Variants in PTCHD4 observed in about 807,000 individuals in gnomAD.
The protein encoded by PTCHD4 is patched domain-containing protein 4.
PTCHD4 carries 33 observed loss-of-function variants against 58.1 expected under a neutral mutation model. That is an observed-to-expected ratio of 0.57 (90% CI 0.43 to 0.76). PTCHD4 has a LOEUF of 0.76. PTCHD4 is among the 30% of genes least tolerant of loss of function. PTCHD4 has a pLI of 0.00. For missense variants in PTCHD4, 1,058 were observed against 1,027.1 expected (o/e 1.03, Z -0.41); for synonymous variants, 478 against 409.6 (o/e 1.17, Z -2.02).
intron 1 of PTCHD4, among the ~76,000 whole-genome samples, chr6:48,084,113 C>T (rs1765217358): frequency 6.6e-6 from 1 of 152,004 alleles, no homozygotes; most frequent in Non-Finnish European, 1.5e-5. Flanking sequence ...ATATTAATCT[C>T]TTAATGTTGA....
chr6:48,098,648 T>C (rs914996768), intron 1 of PTCHD4, among the ~76,000 whole-genome samples: 1 of 152,128 alleles, frequency 6.6e-6, no homozygotes, highest in Non-Finnish European at 1.5e-5. Flanking sequence ...TGGAGTTTCA[T>C]GATTATGAAA....
intron 4 of PTCHD4, among the ~76,000 whole-genome samples, chr6:47,989,060 C>T (rs1768186869): frequency 6.6e-6 from 1 of 152,280 alleles, no homozygotes; most frequent in Admixed American, 6.5e-5. Flanking sequence ...CTGAGGTGGT[C>T]TCAGATGGAG....
intron 4 of PTCHD4, among the ~76,000 whole-genome samples, chr6:47,987,124 C>A (rs1396486152): frequency 6.6e-6 from 1 of 151,236 alleles, no homozygotes; most frequent in African/African-American, 2.4e-5. Context: ...CAAATTGTCA[C>A]CTAGGAAATT....
At chr6:48,021,773 T>C (rs1763080815) in intron 3 of PTCHD4, among the ~76,000 whole-genome samples, 1 of 152,162 alleles carries the variant, frequency 6.6e-6, no homozygotes, top group Non-Finnish European at 1.5e-5. Context: ...CTTTGCTGTC[T>C]AAGGTTATAT....
chr6:48,110,251 G>A (rs1765837972), intron 1 of PTCHD4, among the ~76,000 whole-genome samples: 1 of 152,110 alleles, frequency 6.6e-6, no homozygotes, highest in South Asian at 2.1e-4. Flanking sequence ...TGTGGTATGT[G>A]TATACACACA....
At chr6:47,926,857 C>A (rs1038945844) in intron 4 of PTCHD4, among the ~76,000 whole-genome samples, 1 of 152,186 alleles carries the variant, frequency 6.6e-6, no homozygotes, top group Non-Finnish European at 1.5e-5. Flanking sequence ...TTAGCACACA[C>A]AATGTCTGAC....
At chr6:47,908,484 A>T (rs1039935881) in intron 4 of PTCHD4, among the ~76,000 whole-genome samples, 1 of 152,178 alleles carries the variant, frequency 6.6e-6, no homozygotes, top group Non-Finnish European at 1.5e-5. Context: ...GGCTTCTGCA[A>T]TGAATGGACT....
chr6:48,058,011 A>T (rs965805104), intron 3 of PTCHD4, among the ~76,000 whole-genome samples: 44 of 152,238 alleles, frequency 2.9e-4, no homozygotes, highest in Admixed American at 2.9e-3. Context: ...AAATGAAAAT[A>T]TATTTGAAAA....
intron 4 of PTCHD4, among the ~76,000 whole-genome samples, chr6:47,891,681 A>T (rs1451160233): frequency 6.6e-6 from 1 of 152,140 alleles, no homozygotes; most frequent in Non-Finnish European, 1.5e-5. Flanking sequence ...CTTCCAAATC[A>T]TCTAACATTT....
At chr6:48,056,892 G>C (rs1391408154) in intron 3 of PTCHD4, among the ~76,000 whole-genome samples, 1 of 152,100 alleles carries the variant, frequency 6.6e-6, no homozygotes, top group African/African-American at 2.4e-5. Flanking sequence ...AAGCTCTCAT[G>C]GTGCCATTTT....
At chr6:47,942,251 T>C (rs1476669600) in intron 4 of PTCHD4, among the ~76,000 whole-genome samples, 1 of 152,202 alleles carries the variant, frequency 6.6e-6, no homozygotes, top group Non-Finnish European at 1.5e-5. Context: ...AAATACATCC[T>C]AGACAATGAC....
chr6:47,945,061 T>C lies in PTCHD4; in HGVS notation c.898+63573A>G, dbSNP rs546181202. Reference sequence around the variant, plus strand: ...CCAAATCCAAAGGTGACGGAATCCATTTATGTCTGCAAAGCAATGACATAC... The same window carrying C: ...CCAAATCCAAAGGTGACGGAATCCACTTATGTCTGCAAAGCAATGACATAC... On this transcript the variant is annotated intron_variant, in intron 4 of 4. Coordinates refer to ENST00000339488, the MANE Select transcript of PTCHD4 (RefSeq NM_001384253.1). Among the ~76,000 whole-genome samples the C allele has an allele frequency of 2.8e-4, 42 of 152,220 alleles. No individual in the cohort carries two copies. The South Asian group carries it at 8.1e-3, about 29-fold the overall frequency.
chr6:48,059,879 AC>A (rs1288497105), intron 3 of PTCHD4, among the ~76,000 whole-genome samples: 1 of 151,164 alleles, frequency 6.6e-6, no homozygotes, highest in Non-Finnish European at 1.5e-5. Flanking sequence ...CCATTAACCC[AC>A]CCCTGTGTGT....
chr6:48,110,068 C>T (rs1048683037), intron 1 of PTCHD4, among the ~76,000 whole-genome samples: 16 of 152,210 alleles, frequency 1.1e-4, no homozygotes, highest in African/African-American at 3.9e-4. Context: ...AAAAGTTAAA[C>T]ACAGAACTAC....
chr6:48,040,878 C>T (rs1009724564), intron 3 of PTCHD4, among the ~76,000 whole-genome samples: 3 of 152,008 alleles, frequency 2.0e-5, no homozygotes, highest in African/African-American at 7.2e-5. Flanking sequence ...CTCAGTGCAG[C>T]ACCTACAAAG....
At position 48,098,110 on chromosome 6, in the gene PTCHD4, C is replaced by T. The variant is rs1223068917; in HGVS notation, c.-970+12939G>A. Among the ~76,000 whole-genome samples the T allele has an allele frequency of 2.0e-5, 3 of 152,080 alleles. No individual in the cohort carries two copies. The East Asian group carries it at 5.8e-4, about 29-fold the overall frequency. ...AATCACCCAAACTGGCATTCCTGGA[C>T]ATCAGGAAAAGCCCAGGAGCAAAAA... On this transcript the variant is annotated intron_variant, in intron 1 of 4. Coordinates refer to ENST00000339488, the MANE Select transcript of PTCHD4 (RefSeq NM_001384253.1).
At chr6:48,101,925 G>T (rs1765611866) in intron 1 of PTCHD4, among the ~76,000 whole-genome samples, 1 of 152,158 alleles carries the variant, frequency 6.6e-6, no homozygotes, top group Admixed American at 6.5e-5. Context: ...TCTCTATGAA[G>T]GTCTGGTCAA....
In PTCHD4 at chr6:47,879,071, A is replaced by T. The variant is rs770716253; in HGVS notation, c.1764T>A (p.Asp588Glu). Residue 588 changes from aspartate to glutamate, a missense_variant, in exon 5 of 5, where the codon GAT becomes GAA. By Grantham distance (45) the Asp-to-Glu change is conservative. Transcript: ENST00000339488. ...CATCCCCTGCCTTGGAGAAGATGAT[A>T]TCATTTCGAAAATGCTGGAATTCTG... ...KKPEFQHFRNDIIFSKAGDES... is the reference protein window; with the variant it reads ...KKPEFQHFRNEIIFSKAGDES... The T allele has an allele frequency of 1.9e-6, 3 of 1,613,450 alleles. No homozygotes were observed. In the South Asian group the frequency reaches 3.3e-5, roughly 18 times the overall value.
Position 47,993,056 on chromosome 6 carries a change from A to G in PTCHD4, c.898+15578T>C, listed in dbSNP as rs994943744. ...CAATGCTATTTTCAGCTGCAAAAGC[A>G]TGGGCACCATGGCACGAAACAAGGA... On this transcript the variant is annotated intron_variant, in intron 4 of 4. Transcript: ENST00000339488. Among the ~76,000 whole-genome samples the G allele has an allele frequency of 1.8e-4, 27 of 152,230 alleles. 1 individual carries two copies. The highest frequency in any genetic ancestry group is 6.5e-4 in the African/African-American group (27 of 41,462).
Sources: gnomAD v4.1 joint callset for allele counts (sites outside exome capture counted in the v4.1 genomes callset) on GRCh38, gnomAD v4.1.1 for gene constraint, MANE v1.5 for transcripts, NCBI Gene and HGNC (gene_info 2026-07-23, HGNC 2026-07-21) for gene names.